Variants in STXBP2 observed in about 807,000 individuals in gnomAD.
STXBP2 encodes syntaxin-binding protein 2.
STXBP2 carries 47 observed loss-of-function variants against 72.2 expected under a neutral mutation model. That is an observed-to-expected ratio of 0.65 (90% CI 0.51 to 0.83). The LOEUF (loss-of-function observed/expected upper bound fraction) is 0.83. STXBP2 is among the 40% of genes least tolerant of loss of function. The probability of loss-of-function intolerance (pLI) is 0.00; values close to 1 mark genes in which losing one functional copy is unlikely to be tolerated. For synonymous variants in STXBP2, 367 were observed against 338.7 expected (o/e 1.08, Z -0.92); for missense variants, 702 against 807.6 (o/e 0.87, Z 1.58).
chr19:7,640,490 G>A (rs559462003), intron 4 of STXBP2: 2 of 685,206 alleles, frequency 2.9e-6, no homozygotes, highest in Non-Finnish European at 5.3e-6. Context: ...GTGTGTATGT[G>A]TGTGTGCATC....
intron 12 of STXBP2, 29 bp from the exon 13 acceptor site, chr19:7,643,136 T>TC: frequency 2.5e-6 from 4 of 1,613,852 alleles, no homozygotes; most frequent in Middle Eastern, 3.3e-4. Context: ...GCCTTTGTTA[T>TC]CCCCCAACCC....
intron 15 of STXBP2, among the ~76,000 whole-genome samples, chr19:7,645,645 C>T (rs1419388050): frequency 6.6e-6 from 1 of 151,962 alleles, no homozygotes; most frequent in Non-Finnish European, 1.5e-5. Flanking sequence ...TCTGGGCTCC[C>T]AGGGGTCTCT....
the STXBP2 span, chr19:7,631,653 T>C: frequency 1.2e-5 from 17 of 1,457,304 alleles, no homozygotes; most frequent in Middle Eastern, 1.8e-4. Flanking sequence ...TTATCAGTTT[T>C]TGGGGGCCGA....
chr19:7,641,060 G>A, intron 6 of STXBP2, 57 bp downstream of exon 6: 1 of 1,571,708 alleles, frequency 6.4e-7, no homozygotes, highest in Middle Eastern at 1.7e-4. Flanking sequence ...AATGTCCCCT[G>A]TTCCCTCAGA....
upstream of STXBP2, among the ~76,000 whole-genome samples, chr19:7,634,548 T>C (rs1208138714): frequency 6.6e-6 from 1 of 152,238 alleles, no homozygotes; most frequent in East Asian, 1.9e-4. Context: ...TATATATTTT[T>C]ATATAGAGAT....
Position 7,647,224 on chromosome 19 carries a change from G to T in STXBP2, c.1515G>T (p.Thr505=), listed in dbSNP as rs369399945. Residue 505 remains threonine (T), a synonymous_variant, in exon 17 of 19, where the codon ACG becomes ACT. Transcript: ENST00000221283. ...CCTTCGTATCCGACCCCGCCCCCAC[G>T]GCCAGCTCCCAGGCCGCTGTCAGGT... ...LWPFVSDPAP[T]ASSQAAVSAR... 2.6e-5 allele frequency: 42 copies of T among 1,611,342 alleles called. No homozygotes were observed. The highest frequency in any genetic ancestry group is 3.4e-5 in the Non-Finnish European group (40 of 1,179,672).
Position 7,639,820 on chromosome 19 carries a change from G to C in STXBP2, c.246+13G>C, listed in dbSNP as rs1338530886. ...CCCCACGGAGAAGGTGCCTACATGAGTGAGCGTGTGTGTATGCGCGTGCAT... is the reference window on the plus strand; with the variant it reads ...CCCCACGGAGAAGGTGCCTACATGACTGAGCGTGTGTGTATGCGCGTGCAT... On this transcript the variant is annotated intron_variant, in intron 4 of 18. Transcript: ENST00000221283. 1.2e-6 allele frequency: 2 copies of C among 1,613,584 alleles called. No individual in the cohort carries two copies. The highest frequency in any genetic ancestry group is 1.7e-6 in the Non-Finnish European group (2 of 1,179,800).
At chr19:7,638,245 G>A (rs2031642023) in intron 1 of STXBP2, among the ~76,000 whole-genome samples, 2 of 152,230 alleles carry the variant, frequency 1.3e-5, no homozygotes, top group African/African-American at 4.8e-5. Flanking sequence ...TGTTGCCTAA[G>A]AATCTGTTTC....
Position 7,638,506 on chromosome 19 carries a change from G to A in STXBP2, c.38-220G>A, listed in dbSNP as rs189537856. ...AGTCCCAGCTACTCGGGAGGCTGAG[G>A]CAAGAGGATCGCTGGAGCCCAGGAG... On this transcript the variant is annotated intron_variant, in intron 1 of 18. Coordinates refer to ENST00000221283, the MANE Select transcript of STXBP2 (RefSeq NM_006949.4). Among the ~76,000 whole-genome samples, 26 of 152,230 alleles carry A rather than the reference G, an allele frequency of 1.7e-4. 1 individual carries two copies. The East Asian group carries it at 4.4e-3, about 26-fold the overall frequency.
upstream of STXBP2, chr19:7,632,381 A>G: frequency 6.2e-7 from 1 of 1,613,664 alleles, no homozygotes; most frequent in Non-Finnish European, 8.5e-7. The surrounding 1 kb of genome is among the most constrained non-coding windows in gnomAD (Gnocchi z 5.2). Flanking sequence ...ACATCGCCAG[A>G]ACATCACCTA....
In STXBP2 at chr19:7,644,016, C is replaced by CTGAGACCTGGATGAGGGGTGGAACCTT. The variant is rs1568469302; in HGVS notation, c.1108-598_1108-597insTGAGACCTGGATGAGGGGTGGAACCTT. On this transcript the variant is annotated intron_variant, in intron 13 of 18. Coordinates refer to ENST00000221283, the MANE Select transcript of STXBP2 (RefSeq NM_006949.4). Reference sequence around the variant, plus strand: ...GGGACCTGGGTGAGGGGTGGAACCTCGGAGAGGTGGGACCTGGGTGAGGGG... The same window carrying CTGAGACCTGGATGAGGGGTGGAACCTT: ...GGGACCTGGGTGAGGGGTGGAACCTCTGAGACCTGGATGAGGGGTGGAACCTTGGAGAGGTGGGACCTGGGTGAGGGG... Among the ~76,000 whole-genome samples the CTGAGACCTGGATGAGGGGTGGAACCTT allele has an allele frequency of 4.4e-3, 277 of 63,392 alleles. 17 individuals carry two copies. Among genetic ancestry groups the CTGAGACCTGGATGAGGGGTGGAACCTT allele is most frequent in the Admixed American group, 0.015 (96 of 6,314 alleles). 41.6% of individuals were successfully genotyped at this position (63,392 alleles called of 152,430 possible). A position where few individuals can be genotyped will look rare whatever the true frequency, so the allele number is the denominator to read the frequency against.
chr19:7,636,879 A>G, upstream of STXBP2: 2 of 380,674 alleles, frequency 5.3e-6, no homozygotes, highest in Non-Finnish European at 9.3e-6. Context: ...CACGCAAGCC[A>G]GGAAGTGTGT....
intron 2 of STXBP2, 62 bp from the exon 3 acceptor site, chr19:7,638,957 C>T (rs2031679387): frequency 1.3e-6 from 2 of 1,597,466 alleles, no homozygotes; most frequent in Non-Finnish European, 8.6e-7. Context: ...TTGGCCCCTT[C>T]TGGGGCCAGC....
chr19:7,644,820 C>T, intron 14 of STXBP2, 68 bp downstream of exon 14: 2 of 1,609,746 alleles, frequency 1.2e-6, no homozygotes, highest in Non-Finnish European at 1.7e-6. Flanking sequence ...CTGGGAACTG[C>T]TGAACCCCAC....
intron 1 of STXBP2, among the ~76,000 whole-genome samples, 174 bp from the exon 2 acceptor site, chr19:7,638,552 T>G (rs1021182167): frequency 6.6e-6 from 1 of 151,618 alleles, no homozygotes; most frequent in African/African-American, 2.4e-5. Flanking sequence ...CAGTGAGTTA[T>G]GATCACACCA....
chr19:7,632,818 C>G, upstream of STXBP2: 1 of 1,553,022 alleles, frequency 6.4e-7, no homozygotes, highest in East Asian at 2.4e-5. The surrounding 1 kb of genome is among the most constrained non-coding windows in gnomAD (Gnocchi z 5.2). Context: ...CCCTCCTGGT[C>G]TGGGGAGCCC....
rs201649843 is a variant in STXBP2, at chr19:7,642,116, G to A, written c.661G>A (p.Glu221Lys). The A allele has an allele frequency of 1.7e-4, 271 of 1,614,096 alleles. 1 individual carries two copies. Among genetic ancestry groups the A allele is most frequent in the Admixed American group, 3.5e-4 (21 of 60,030 alleles). Residue 221 changes from glutamate (E) to lysine (K), a missense_variant and splice_region_variant, in exon 8 of 19, where the codon GAG becomes AAG. Glu to Lys is a moderately conservative substitution (Grantham distance 56). Coordinates refer to ENST00000221283, the MANE Select transcript of STXBP2 (RefSeq NM_006949.4). The surrounding 1 kb of genome is among the most constrained non-coding windows in gnomAD (Gnocchi z 6.0). ...CAAGGCAGACACTCCCAGTCTGGGC[G>A]AGGTGAGGGGGCGTGCTTGGGAGGT... ...AFKADTPSLG[E>K]GPEKTRSQLL... is the part of the protein sequence containing the mutation.
intron 4 of STXBP2, 151 bp downstream of exon 4, chr19:7,639,958 G>T: frequency 2.4e-6 from 2 of 833,800 alleles, no homozygotes; most frequent in Admixed American, 2.1e-5. Flanking sequence ...GCATGTGTGT[G>T]TGCATCTGTG....
chr19:7,642,391 A>G lies in STXBP2; in HGVS notation c.795-38A>G, dbSNP rs913868720. 1.9e-6 allele frequency: 3 copies of G among 1,613,420 alleles called. No individual in the cohort carries two copies. The highest frequency in any genetic ancestry group is 1.3e-5 in the African/African-American group (1 of 74,882). ...CCACTGACCTGGTTCCCCAGTCCTC[A>G]GCTCCCCTGACCCCCAGGCTCCCTC... On this transcript the variant is annotated intron_variant, in intron 9 of 18. Coordinates refer to ENST00000221283, the MANE Select transcript of STXBP2 (RefSeq NM_006949.4). This position sits in a 1 kb window ranked among gnomAD's most constrained non-coding sequence, Gnocchi z 6.0.
Sources: allele counts gnomAD v4.1 joint callset (sites outside exome capture counted in the v4.1 genomes callset), GRCh38; gene constraint gnomAD v4.1.1; non-coding constraint Gnocchi (gnomAD v3.1); transcripts MANE v1.5; gene names NCBI Gene and HGNC (gene_info 2026-07-23, HGNC 2026-07-21).